CSPP1: variants seen among roughly 807,000 people sequenced by gnomAD.
The protein encoded by CSPP1 is centrosome and spindle pole associated protein 1.
A neutral mutation model predicts 164.4 loss-of-function variants in CSPP1; 126 were observed. The observed-to-expected ratio is 0.77, with a 90% confidence interval of 0.66 to 0.89. The LOEUF is 0.89. CSPP1 is among the 40% of genes least tolerant of loss of function. CSPP1 has a pLI of 0.00. For missense variants in CSPP1, 1,395 were observed against 1,449.8 expected, an observed-to-expected ratio of 0.96 and a Z score of 0.61; for synonymous variants, 472 against 476.7, an observed-to-expected ratio of 0.99 and a Z score of 0.13.
chr8:67,093,687 T>C (rs2129545078), intron 6 of CSPP1, 46 bp downstream of exon 6: 5 of 1,033,776 alleles, frequency 4.8e-6, no homozygotes, highest in East Asian at 2.5e-5. Context: ...CTACCACAGG[T>C]TGAATATTTT....
At chr8:67,194,459 G>A (rs1445715270) in intron 30 of CSPP1, among the ~76,000 whole-genome samples, 1 of 152,096 alleles carries the variant, frequency 6.6e-6, no homozygotes, top group East Asian at 1.9e-4. Flanking sequence ...TTAATTGATG[G>A]GACAGTAGGA....
chr8:67,167,486 C>T (rs1829610960), intron 24 of CSPP1, among the ~76,000 whole-genome samples: 2 of 151,820 alleles, frequency 1.3e-5, no homozygotes, highest in Non-Finnish European at 2.9e-5. Flanking sequence ...CGGAGGGGCT[C>T]CTCACTTCCC....
chr8:67,162,826 T>C (rs918704280), intron 22 of CSPP1, among the ~76,000 whole-genome samples: 5 of 152,090 alleles, frequency 3.3e-5, no homozygotes, highest in African/African-American at 1.2e-4. Context: ...GTGTGGTGGG[T>C]AGGAGTCTAT....
At chr8:67,171,801 G>T (rs997338240) in intron 24 of CSPP1, among the ~76,000 whole-genome samples, 1 of 151,870 alleles carries the variant, frequency 6.6e-6, no homozygotes, top group Non-Finnish European at 1.5e-5. Context: ...GCCTGCCTTG[G>T]CCTCCCAAAG....
At chr8:67,183,177 G>A (rs1833471726) in intron 28 of CSPP1, among the ~76,000 whole-genome samples, 1 of 152,150 alleles carries the variant, frequency 6.6e-6, no homozygotes, top group Admixed American at 6.5e-5. Flanking sequence ...AGAATGGCAA[G>A]GAGAAATAGA....
intron 17 of CSPP1, among the ~76,000 whole-genome samples, chr8:67,145,167 A>C (rs1410047894): frequency 2.0e-5 from 3 of 151,978 alleles, no homozygotes; most frequent in Non-Finnish European, 2.9e-5. Flanking sequence ...AGAGACATTC[A>C]GTTTATTTCT....
chr8:67,108,094 A>G (rs1816011792), intron 9 of CSPP1, among the ~76,000 whole-genome samples: 1 of 146,776 alleles, frequency 6.8e-6, no homozygotes, highest in Non-Finnish European at 1.5e-5. Flanking sequence ...ATAGTAGTTG[A>G]TAAATGTCAT....
intron 13 of CSPP1, 61 bp downstream of exon 13, chr8:67,116,183 A>G (rs1817889155): frequency 8.5e-7 from 1 of 1,181,222 alleles, no homozygotes; most frequent in East Asian, 2.3e-5. Flanking sequence ...TTTTATGTTT[A>G]GAAGGATATA....
chr8:67,112,242 T>G (rs1410282873), intron 10 of CSPP1, among the ~76,000 whole-genome samples, 177 bp downstream of exon 10: 3 of 151,828 alleles, frequency 2.0e-5, no homozygotes, highest in African/African-American at 7.3e-5. Flanking sequence ...GAGTTTTTTT[T>G]TTTTTTTTTT....
intron 9 of CSPP1, among the ~76,000 whole-genome samples, chr8:67,111,599 GT>G (rs1245133174): frequency 1.3e-5 from 2 of 152,166 alleles, no homozygotes; most frequent in East Asian, 3.8e-4. Context: ...AAGAGGGGCA[GT>G]TGGTTTTGAG....
In CSPP1 at chr8:67,137,612, T is replaced by G; in HGVS notation, c.1975+9T>G. 1 of 1,508,104 alleles carries G rather than the reference T, an allele frequency of 6.6e-7. No individual in the cohort carries two copies. Among genetic ancestry groups the G allele is most frequent in the East Asian group, 2.4e-5 (1 of 42,156 alleles). 93.4% of individuals were successfully genotyped at this position (1,508,104 alleles called of 1,614,324 possible). The stretch of plus-strand genomic sequence containing the variant: ...AAAAGGAAATCTGATAAGTACGTTA[T>G]TTCTACTGACTTGTTTTTAAAATAA... On this transcript the variant is annotated intron_variant, in intron 17 of 30. Transcript: ENST00000678616.
At chr8:67,079,531 T>C (rs573437925) in intron 3 of CSPP1, among the ~76,000 whole-genome samples, 1 of 152,354 alleles carries the variant, frequency 6.6e-6, no homozygotes, top group African/African-American at 2.4e-5. Context: ...CAGATTTTTG[T>C]AAAAGCTTCC....
At chr8:67,096,167 G>A (rs1812713003) in intron 7 of CSPP1, among the ~76,000 whole-genome samples, 1 of 152,150 alleles carries the variant, frequency 6.6e-6, no homozygotes, top group Admixed American at 6.5e-5. Flanking sequence ...GAAACCTTGA[G>A]GCAAGAATTC....
At chr8:67,158,944 C>T in intron 20 of CSPP1, 47 bp from the exon 21 acceptor site, 2 of 1,439,060 alleles carry the variant, frequency 1.4e-6, no homozygotes, top group Non-Finnish European at 9.5e-7. Flanking sequence ...TTTGAATGTA[C>T]TATAGAAGGA....
rs765884028 is a variant in CSPP1 at position 67,132,022 on chromosome 8, A to G, written c.1769A>G (p.Asp590Gly). 1 of 1,613,978 alleles carries G rather than the reference A, an allele frequency of 6.2e-7. No homozygotes were observed. The highest frequency in any genetic ancestry group is 2.2e-5 in the East Asian group (1 of 44,878). ...QVINSGLIFE[D>G]KPKPSKQSLQ... Reference sequence around the variant, plus strand: ...ATAAATTCAGGATTGATTTTTGAAGATAAACCGAAACCTTCCAAACAGTCA... The same window carrying G: ...ATAAATTCAGGATTGATTTTTGAAGGTAAACCGAAACCTTCCAAACAGTCA... The change falls in exon 16 of 31, where the codon GAT becomes GGT. Residue 590 changes from aspartate (D) to glycine (G), a missense_variant. By Grantham distance (94) the Asp-to-Gly change is moderately conservative (BLOSUM62 -1). Coordinates refer to ENST00000678616, the MANE Select transcript of CSPP1 (RefSeq NM_001382391.1).
rs1340222255 is a variant in CSPP1 at position 67,196,332 on chromosome 8, G to GAGTC, written c.*741_*744dup. 2.0e-5 allele frequency: 3 copies of GAGTC among 152,166 alleles called. No homozygotes were observed. Among genetic ancestry groups the GAGTC allele is most frequent in the Non-Finnish European group, 2.9e-5 (2 of 68,042 alleles). The allele number at this position is 152,166 out of a possible 1,614,324, so 9.4% of individuals were successfully genotyped here. On this transcript the variant is annotated 3_prime_UTR_variant, in exon 31 of 31. Coordinates refer to ENST00000678616, the MANE Select transcript of CSPP1 (RefSeq NM_001382391.1). ...GTTGAATAGAGGTGGGGACACCCGG[G>GAGTC]AGTCAAGGACAGAGAGACTGGAGTC...
chr8:67,166,802 G>A (rs1375921927), intron 24 of CSPP1, among the ~76,000 whole-genome samples: 2 of 151,724 alleles, frequency 1.3e-5, no homozygotes, highest in Non-Finnish European at 2.9e-5. Context: ...TAGGACAATA[G>A]TGGAGGGAAG....
At position 67,195,798 on chromosome 8, in the gene CSPP1, T is replaced by C. The variant is rs1241023482; in HGVS notation, c.*205T>C. 1.1e-5 allele frequency: 6 copies of C among 533,494 alleles called. No individual in the cohort carries two copies. The highest frequency in any genetic ancestry group is 1.7e-5 in the Non-Finnish European group (5 of 298,724). The allele number at this position is 533,494 out of a possible 1,614,324, so 33.0% of individuals were successfully genotyped here. On this transcript the variant is annotated 3_prime_UTR_variant, in exon 31 of 31. Coordinates refer to ENST00000678616, the MANE Select transcript of CSPP1 (RefSeq NM_001382391.1). ...ATTTATATAATAGAATTGTATAGAT[T>C]ATTTTTGCACAGTTTTGTCATAAAT...
chr8:67,175,221 C>T, intron 25 of CSPP1, 75 bp from the exon 26 acceptor site: 1 of 1,077,564 alleles, frequency 9.3e-7, no homozygotes, highest in Non-Finnish European at 1.4e-6. Context: ...ACTCATGTTA[C>T]TTACAGTGAA....
Sources: allele counts gnomAD v4.1 joint callset (sites outside exome capture counted in the v4.1 genomes callset), GRCh38; gene constraint gnomAD v4.1.1; transcripts MANE v1.5; gene names NCBI Gene and HGNC (gene_info 2026-07-23, HGNC 2026-07-21).